KHDRBS2: variants seen among roughly 807,000 people sequenced by gnomAD.
KHDRBS2 encodes KH RNA binding domain containing, signal transduction associated 2, also known as KH domain-containing, RNA-binding, signal transduction-associated protein 2.
A neutral mutation model predicts 44.3 loss-of-function variants in KHDRBS2; 26 were observed. The ratio of observed to expected loss-of-function variants is 0.59; its 90% CI spans 0.43 to 0.81. KHDRBS2 has a LOEUF of 0.81. Ranked by LOEUF, KHDRBS2 falls within the 40% of genes least tolerant of loss-of-function variation. The pLI is 0.00. For synonymous variants in KHDRBS2, 194 were observed against 151.1 expected (o/e 1.28, Z -2.08); for missense variants, 476 against 433.1 (o/e 1.10, Z -0.88).
At chr6:61,952,115 C>A (rs569765067) in intron 4 of KHDRBS2, among the ~76,000 whole-genome samples, 1 of 152,136 alleles carries the variant, frequency 6.6e-6, no homozygotes, top group African/African-American at 2.4e-5. Flanking sequence ...TTTTCCAATT[C>A]ATTTTTATTT....
chr6:62,190,445 G>A (rs1156568752), intron 1 of KHDRBS2, among the ~76,000 whole-genome samples: 1 of 151,944 alleles, frequency 6.6e-6, no homozygotes, highest in Non-Finnish European at 1.5e-5. Context: ...CATCAGTACT[G>A]CAGTTCCTTC....
intron 6 of KHDRBS2, among the ~76,000 whole-genome samples, chr6:61,771,599 C>A (rs1780920316): frequency 6.6e-6 from 1 of 152,272 alleles, no homozygotes; most frequent in African/African-American, 2.4e-5. Flanking sequence ...AAGGCCATTA[C>A]ATAATGGTAA....
intron 4 of KHDRBS2, among the ~76,000 whole-genome samples, chr6:61,960,730 T>G (rs1039557448): frequency 6.6e-6 from 1 of 152,190 alleles, no homozygotes; most frequent in South Asian, 2.1e-4. Context: ...GATCAATTTT[T>G]CTTCCTATAC....
the KHDRBS2 span, among the ~76,000 whole-genome samples, chr6:61,623,192 T>C: frequency 1.3e-5 from 2 of 152,172 alleles, no homozygotes; most frequent in African/African-American, 4.8e-5. Flanking sequence ...CCTTGCTCAG[T>C]TCCTGAATCC....
At chr6:62,057,002 TAC>T (rs1790432909) in intron 2 of KHDRBS2, among the ~76,000 whole-genome samples, 1 of 151,974 alleles carries the variant, frequency 6.6e-6, no homozygotes, top group Non-Finnish European at 1.5e-5. Flanking sequence ...TAAATTCTTT[TAC>T]ACACTCTGTT....
chr6:62,187,508 A>T (rs1823686214), intron 1 of KHDRBS2, among the ~76,000 whole-genome samples: 1 of 152,122 alleles, frequency 6.6e-6, no homozygotes, highest in South Asian at 2.1e-4. Context: ...TCAGAAAGAT[A>T]TTTTTTAAAA....
intron 1 of KHDRBS2, 37 bp downstream of exon 1, chr6:62,285,821 C>T (rs1199442401): frequency 6.8e-7 from 1 of 1,480,080 alleles, no homozygotes; most frequent in Non-Finnish European, 9.4e-7. Flanking sequence ...AGATAGGCAG[C>T]CGGCGGTTTG....
At chr6:61,712,472 T>C (rs1357249529) in intron 7 of KHDRBS2, among the ~76,000 whole-genome samples, 2 of 151,838 alleles carry the variant, frequency 1.3e-5, no homozygotes, top group African/African-American at 4.8e-5. Flanking sequence ...GTAGGTGTTG[T>C]TTCAGTTTTA....
intron 6 of KHDRBS2, among the ~76,000 whole-genome samples, chr6:61,771,788 A>G (rs1311776136): frequency 5.9e-5 from 9 of 152,172 alleles, no homozygotes; most frequent in Non-Finnish European, 1.0e-4. Context: ...CGGAACAGAA[A>G]GTTAACAAGG....
intron 2 of KHDRBS2, among the ~76,000 whole-genome samples, chr6:62,176,648 G>GA (rs1356878236): frequency 6.6e-6 from 1 of 150,998 alleles, no homozygotes; most frequent in African/African-American, 2.4e-5. Context: ...ATCTATTGGT[G>GA]AAAAAATAGT....
At chr6:61,884,176 T>A (rs1395447737) in intron 6 of KHDRBS2, among the ~76,000 whole-genome samples, 1 of 152,138 alleles carries the variant, frequency 6.6e-6, no homozygotes, top group Non-Finnish European at 1.5e-5. Flanking sequence ...TTTCTAGTTC[T>A]CTCATTGTTA....
At chr6:62,063,615 T>C (rs1792672994) in intron 2 of KHDRBS2, among the ~76,000 whole-genome samples, 1 of 151,284 alleles carries the variant, frequency 6.6e-6, no homozygotes. Context: ...AATTAGGTAT[T>C]GATGGGATGT....
At chr6:61,857,685 C>T (rs1796337364) in intron 6 of KHDRBS2, among the ~76,000 whole-genome samples, 2 of 151,890 alleles carry the variant, frequency 1.3e-5, no homozygotes, top group South Asian at 2.1e-4. Context: ...CAGAGCTTCC[C>T]CTTGTAGCTT....
chr6:61,897,892 G>A (rs1190680783), intron 5 of KHDRBS2, among the ~76,000 whole-genome samples: 3 of 152,044 alleles, frequency 2.0e-5, no homozygotes, highest in East Asian at 1.9e-4. Flanking sequence ...CCGATGTTTC[G>A]TTTTTCAGTG....
the KHDRBS2 span, among the ~76,000 whole-genome samples, chr6:61,663,526 T>TATATATATATATATATATA: frequency 8.6e-6 from 1 of 116,898 alleles, no homozygotes; most frequent in Non-Finnish European, 1.8e-5. Context: ...TATATATATA[T>TATATATATATATATATATA]GCAGCTGGGA....
At chr6:62,204,388 G>C (rs1827592498) in intron 1 of KHDRBS2, among the ~76,000 whole-genome samples, 1 of 152,130 alleles carries the variant, frequency 6.6e-6, no homozygotes, top group South Asian at 2.1e-4. Context: ...AGGTAAACTG[G>C]ATATTACAAG....
At chr6:62,108,392 A>G (rs540628237) in intron 2 of KHDRBS2, among the ~76,000 whole-genome samples, 23 of 152,326 alleles carry the variant, frequency 1.5e-4, no homozygotes, top group Non-Finnish European at 2.8e-4. Flanking sequence ...CAAAACCACA[A>G]TGAAATACCA....
intron 2 of KHDRBS2, among the ~76,000 whole-genome samples, chr6:62,095,360 C>T (rs994631393): frequency 4.0e-5 from 6 of 151,816 alleles, no homozygotes; most frequent in African/African-American, 1.4e-4. Flanking sequence ...ATAATGGAGC[C>T]GTCCTATGCA....
intron 3 of KHDRBS2, among the ~76,000 whole-genome samples, chr6:62,036,441 CTA>C (rs1785300246): frequency 6.6e-6 from 1 of 151,872 alleles, no homozygotes; most frequent in Admixed American, 6.6e-5. Flanking sequence ...TTATCGGACA[CTA>C]TGTTCATTAC....
Sources: allele counts gnomAD v4.1 joint callset (sites outside exome capture counted in the v4.1 genomes callset), GRCh38; gene constraint gnomAD v4.1.1; transcripts MANE v1.5; gene names NCBI Gene and HGNC (gene_info 2026-07-23, HGNC 2026-07-21).